Variants in FREM1 observed in about 807,000 individuals in gnomAD.
FREM1 encodes FRAS1 related extracellular matrix 1.
Under a neutral mutation model 210.1 loss-of-function variants are expected in FREM1, and 220 were observed. The ratio of observed to expected loss-of-function variants is 1.05; its 90% CI spans 0.94 to 1.17. The LOEUF is 1.17. Ranked by LOEUF, FREM1 falls within the 50% of genes most tolerant of loss-of-function variation. The pLI, the probability that FREM1 is intolerant of heterozygous loss-of-function variation, is 0.00. For missense variants in FREM1, 3,454 were observed against 2,675.5 expected, an observed-to-expected ratio of 1.29 and a Z score of -6.42; for synonymous variants, 1,189 against 980.2, an observed-to-expected ratio of 1.21 and a Z score of -3.98.
chr9:14,805,181 A>G, intron 18 of FREM1, 29 bp from the exon 19 acceptor site: 1 of 1,402,192 alleles, frequency 7.1e-7, no homozygotes, highest in Non-Finnish European at 9.5e-7. Context: ...GAACAGATAA[A>G]TAAAAAAAAA....
intron 16 of FREM1, among the ~76,000 whole-genome samples, chr9:14,810,641 A>G (rs556305116): frequency 6.6e-6 from 1 of 152,296 alleles, no homozygotes; most frequent in East Asian, 1.9e-4. Context: ...TCATATAGTA[A>G]GATGTTATTC....
rs1032932124 is a variant in FREM1, at chr9:14,894,279, T to C, written c.-268+15635A>G. Among the ~76,000 whole-genome samples, 12 of 152,380 alleles carry C rather than the reference T, an allele frequency of 7.9e-5. 1 individual carries two copies. Among genetic ancestry groups the C allele is most frequent in the Admixed American group, 4.6e-4 (7 of 15,306 alleles). On this transcript the variant is annotated intron_variant, in intron 1 of 36. Transcript: ENST00000380880. ...TGACTCAGCATATGTTATTAATGGC[T>C]ATAATTGTTATGTAAAATTGTTGTA...
rs1443031294 is a variant in FREM1 at position 14,884,404 on chromosome 9, ATTCT to A, written c.-267-15164_-267-15161del. On this transcript the variant is annotated intron_variant, in intron 1 of 36. Coordinates refer to ENST00000380880, the MANE Select transcript of FREM1 (RefSeq NM_001379081.2). Reference sequence around the variant, plus strand: ...TTTTTTCTTTACATGGTAATCATGTATTCTAAGTACAGTATATCTGTATAAGCCA... The same window carrying A: ...TTTTTTCTTTACATGGTAATCATGTAAAGTACAGTATATCTGTATAAGCCA... 3.9e-5 allele frequency among the ~76,000 whole-genome samples: 6 copies of A among 152,262 alleles called. No individual in the cohort carries two copies. In the East Asian group the frequency reaches 1.2e-3, roughly 29 times the overall value.
At chr9:14,747,473 T>C (rs751455067) in intron 32 of FREM1, 45 bp from the exon 33 acceptor site, 4 of 1,561,654 alleles carry the variant, frequency 2.6e-6, no homozygotes, top group South Asian at 1.2e-5. Context: ...AAAACAAACA[T>C]CAAGATAGCA....
intron 24 of FREM1, among the ~76,000 whole-genome samples, chr9:14,778,640 A>AAAGGGAGGG (rs757735664): frequency 2.1e-4 from 20 of 96,136 alleles, no homozygotes; most frequent in African/African-American, 7.1e-4. Context: ...AGAGGAAAGG[A>AAAGGGAGGG]AAGGGAGGGA....
At chr9:14,832,414 T>G (rs548149592) in intron 10 of FREM1, among the ~76,000 whole-genome samples, 1 of 152,292 alleles carries the variant, frequency 6.6e-6, no homozygotes, top group East Asian at 1.9e-4. Context: ...GAAGAGAATT[T>G]TGGAGATAAG....
chr9:14,825,549 A>G (rs60051348), intron 10 of FREM1, among the ~76,000 whole-genome samples: 2,758 of 34,004 alleles, frequency 0.081, 140 homozygotes, highest in African/African-American at 0.16. Flanking sequence ...GTGTGTGTGT[A>G]TATATATATA....
At chr9:14,744,649 C>T (rs1842108322) in intron 35 of FREM1, among the ~76,000 whole-genome samples, 1 of 151,852 alleles carries the variant, frequency 6.6e-6, no homozygotes, top group Non-Finnish European at 1.5e-5. Flanking sequence ...TTCTAAACAT[C>T]AATAACAAAA....
intron 24 of FREM1, among the ~76,000 whole-genome samples, chr9:14,781,347 T>G (rs909758907): frequency 6.6e-6 from 1 of 152,240 alleles, no homozygotes; most frequent in African/African-American, 2.4e-5. Flanking sequence ...TCAATGCTTT[T>G]CAGCCTTTAT....
chr9:14,774,247 T>A, intron 25 of FREM1: 2 of 484,288 alleles, frequency 4.1e-6, no homozygotes, highest in Non-Finnish European at 4.0e-6. Flanking sequence ...GTGTATTAGA[T>A]GGGATTACGT....
chr9:14,792,530 G>A (rs1851609256), intron 22 of FREM1, among the ~76,000 whole-genome samples: 1 of 152,144 alleles, frequency 6.6e-6, no homozygotes, highest in Non-Finnish European at 1.5e-5. Flanking sequence ...GGGAGAGGGA[G>A]CAATGAAGAA....
chr9:14,824,210 G>A (rs1237812817), intron 11 of FREM1, 95 bp from the exon 12 acceptor site: 2 of 742,756 alleles, frequency 2.7e-6, no homozygotes, highest in East Asian at 5.5e-5. Context: ...ACTTCATTGT[G>A]AGAAGAAATT....
intron 1 of FREM1, among the ~76,000 whole-genome samples, chr9:14,882,842 G>A (rs1352630455): frequency 1.5e-5 from 2 of 130,388 alleles, no homozygotes; most frequent in East Asian, 4.9e-4. Context: ...GAACCTGGGA[G>A]GCAGAGGTTG....
At chr9:14,837,900 C>T (rs1824928185) in intron 10 of FREM1, among the ~76,000 whole-genome samples, 1 of 152,170 alleles carries the variant, frequency 6.6e-6, no homozygotes, top group Non-Finnish European at 1.5e-5. Flanking sequence ...TATTGAGCAC[C>T]TACTAAGTAC....
At chr9:14,806,154 G>T (rs1818303559) in intron 18 of FREM1, among the ~76,000 whole-genome samples, 1 of 152,078 alleles carries the variant, frequency 6.6e-6, no homozygotes, top group Non-Finnish European at 1.5e-5. Context: ...TGCATGCAAG[G>T]GGGAAGTCAG....
chr9:14,776,273 A>G (rs1350741352), intron 24 of FREM1, 70 bp from the exon 25 acceptor site: 4 of 1,455,242 alleles, frequency 2.7e-6, no homozygotes, highest in Non-Finnish European at 3.7e-6. Flanking sequence ...TGAAATGATA[A>G]CAATACACAC....
chr9:14,829,555 G>T (rs1588223615), intron 10 of FREM1, among the ~76,000 whole-genome samples: 1 of 152,132 alleles, frequency 6.6e-6, no homozygotes, highest in East Asian at 1.9e-4. Context: ...CATTATAAAA[G>T]GGCTTGAGGC....
intron 9 of FREM1, among the ~76,000 whole-genome samples, chr9:14,841,874 C>T (rs1240331099): frequency 6.6e-6 from 1 of 152,180 alleles, no homozygotes; most frequent in South Asian, 2.1e-4. Flanking sequence ...CAAAGTAACA[C>T]TAACTACTTA....
At chr9:14,747,601 A>G (rs1842701606) in intron 32 of FREM1, 80 bp downstream of exon 32, 5 of 1,053,746 alleles carry the variant, frequency 4.7e-6, no homozygotes, top group Middle Eastern at 3.1e-4. Context: ...GTATAAATAT[A>G]AAAAATATAA....
Sources: gnomAD v4.1 joint callset for allele counts (sites outside exome capture counted in the v4.1 genomes callset) on GRCh38, gnomAD v4.1.1 for gene constraint, MANE v1.5 for transcripts, NCBI Gene and HGNC (gene_info 2026-07-23, HGNC 2026-07-21) for gene names.